SPAG9: variants seen among roughly 807,000 people sequenced by gnomAD.
The protein encoded by SPAG9 is sperm associated antigen 9.
Under a neutral mutation model 166.5 loss-of-function variants are expected in SPAG9, and 35 were observed. That is an observed-to-expected ratio of 0.21 (90% CI 0.16 to 0.28). The LOEUF (loss-of-function observed/expected upper bound fraction) is 0.28. Ranked by LOEUF, SPAG9 falls within the 10% of genes least tolerant of loss-of-function variation. SPAG9 has a pLI of 1.00. For synonymous variants in SPAG9, 534 were observed against 565.5 expected (o/e 0.94, Z 0.79); for missense variants, 1,235 against 1,603.3 (o/e 0.77, Z 3.92).
At chr17:51,072,708 A>G (rs1379018160) in intron 2 of SPAG9, among the ~76,000 whole-genome samples, 1 of 152,004 alleles carries the variant, frequency 6.6e-6, no homozygotes, top group East Asian at 1.9e-4. Flanking sequence ...AATCAGTCAC[A>G]TTAAGATTAG....
chr17:51,081,195 C>T (rs2048153491), intron 1 of SPAG9, among the ~76,000 whole-genome samples: 1 of 152,180 alleles, frequency 6.6e-6, no homozygotes, highest in Non-Finnish European at 1.5e-5. Flanking sequence ...TACTTCCACC[C>T]TAATCCTCTA....
At chr17:51,105,144 G>A (rs1275386114) in intron 1 of SPAG9, among the ~76,000 whole-genome samples, 1 of 151,390 alleles carries the variant, frequency 6.6e-6, no homozygotes, top group Admixed American at 6.6e-5. Flanking sequence ...TCTGTTAGAT[G>A]AGTAGGTTAA....
chr17:51,005,143 G>A (rs1331140341), intron 12 of SPAG9, 69 bp downstream of exon 12: 19 of 1,316,772 alleles, frequency 1.4e-5, no homozygotes, highest in Middle Eastern at 1.8e-4. Flanking sequence ...CAAAGCTTAC[G>A]TAGGAAGATC....
Position 50,998,552 on chromosome 17 carries a change from T to A in SPAG9, c.1730A>T (p.Lys577Met), listed in dbSNP as rs2044780706. ...AACATGAGACGTGGGTGCATTGTAC[T>A]TCAGATTAACAGGTGGTTCAGGCTT... The part of the protein sequence containing the change: ...TKKPEPPVNL[K>M]YNAPTSHVTP... Residue 577 changes from lysine (K) to methionine (M), a missense_variant, in exon 15 of 30, where the codon AAG becomes ATG. Coordinates refer to ENST00000262013, the MANE Select transcript of SPAG9 (RefSeq NM_001130528.3). 6.2e-7 allele frequency: 1 copy of A among 1,614,062 alleles called. No individual in the cohort carries two copies. Among genetic ancestry groups the A allele is most frequent in the Non-Finnish European group, 8.5e-7 (1 of 1,180,026 alleles).
At chr17:50,985,395 T>C (rs1974967494) in intron 23 of SPAG9, among the ~76,000 whole-genome samples, 1 of 152,126 alleles carries the variant, frequency 6.6e-6, no homozygotes, top group Non-Finnish European at 1.5e-5. Flanking sequence ...ATCAACATAT[T>C]TACAAGCCAT....
At chr17:51,112,552 TC>T (rs2049144790) in intron 1 of SPAG9, among the ~76,000 whole-genome samples, 1 of 150,478 alleles carries the variant, frequency 6.6e-6, no homozygotes, top group Admixed American at 6.7e-5. Flanking sequence ...GCGCCTGTAG[TC>T]CCAGCTACTC....
chr17:50,990,835 G>A (rs1047132325), intron 19 of SPAG9, 167 bp from the exon 20 acceptor site: 2 of 564,378 alleles, frequency 3.5e-6, no homozygotes, highest in Non-Finnish European at 3.1e-6. Flanking sequence ...ATATGGGAAG[G>A]TAACTTAAAA....
intron 6 of SPAG9, among the ~76,000 whole-genome samples, chr17:51,022,141 A>C (rs1014922976): frequency 2.0e-5 from 3 of 151,558 alleles, no homozygotes; most frequent in Admixed American, 1.3e-4. Flanking sequence ...AAAAAAAAAA[A>C]AGCGGGGAGA....
At position 51,025,366 on chromosome 17, in the gene SPAG9, T is replaced by C. The variant is rs545134203; in HGVS notation, c.784-4001A>G. Among the ~76,000 whole-genome samples, 17 of 139,684 alleles carry C rather than the reference T, an allele frequency of 1.2e-4. No individual in the cohort carries two copies. In the South Asian group the frequency reaches 2.3e-3, roughly 19 times the overall value. The allele number at this position is 139,684 out of a possible 152,430, so 91.6% of individuals were successfully genotyped here. A position where few individuals can be genotyped will look rare whatever the true frequency, so the allele number is the denominator to read the frequency against. ...AAAAAATGCTATTTTCTTGAATTGGTAACTGGCACCCAATATAAAATATAA... is the reference window on the plus strand; with the variant it reads ...AAAAAATGCTATTTTCTTGAATTGGCAACTGGCACCCAATATAAAATATAA... On this transcript the variant is annotated intron_variant, in intron 6 of 29. Transcript: ENST00000262013.
chr17:50,984,560 G>A (rs369875029), intron 24 of SPAG9, among the ~76,000 whole-genome samples: 21 of 152,144 alleles, frequency 1.4e-4, no homozygotes, highest in African/African-American at 4.8e-4. Context: ...GGTGGCAGGC[G>A]CCTGTAGTCC....
chr17:50,991,478 A>T (rs1009869922), intron 19 of SPAG9, among the ~76,000 whole-genome samples: 1 of 152,034 alleles, frequency 6.6e-6, no homozygotes, highest in Non-Finnish European at 1.5e-5. Flanking sequence ...TGTTTTATTT[A>T]TATCACACTA....
In SPAG9 at chr17:51,027,775, T is replaced by C. The variant is rs184524424; in HGVS notation, c.783+3906A>G. Among the ~76,000 whole-genome samples the C allele has an allele frequency of 9.2e-5, 14 of 152,346 alleles. No individual in the cohort carries two copies. In the East Asian group the frequency reaches 2.7e-3, roughly 29 times the overall value. On this transcript the variant is annotated intron_variant, in intron 6 of 29. Transcript: ENST00000262013. The stretch of plus-strand genomic sequence containing the variant: ...GATAAACAATTATGTCACTGGTTTA[T>C]GTATTTACTAAAATTTTCATTGTTA...
At chr17:51,025,492 A>AT (rs1223817209) in intron 6 of SPAG9, among the ~76,000 whole-genome samples, 3 of 151,474 alleles carry the variant, frequency 2.0e-5, no homozygotes, top group Non-Finnish European at 2.9e-5. Flanking sequence ...AACTGACAGT[A>AT]TTTAACACCT....
chr17:51,009,613 G>A lies in SPAG9; in HGVS notation c.1214-2287C>T, dbSNP rs566853588. Among the ~76,000 whole-genome samples the A allele has an allele frequency of 2.8e-4, 42 of 152,130 alleles. 2 individuals carry two copies. The South Asian group carries it at 8.3e-3, about 30-fold the overall frequency. Reference sequence around the variant, plus strand: ...AATATGTTGTGAATTTCCTTGTATTGTACTTCTATTGTTGGTCTTTTTGCA... The same window carrying A: ...AATATGTTGTGAATTTCCTTGTATTATACTTCTATTGTTGGTCTTTTTGCA... On this transcript the variant is annotated intron_variant, in intron 9 of 29. Transcript: ENST00000262013.
At chr17:51,094,975 G>T (rs1165343165) in intron 1 of SPAG9, among the ~76,000 whole-genome samples, 2 of 152,130 alleles carry the variant, frequency 1.3e-5, no homozygotes, top group African/African-American at 2.4e-5. Flanking sequence ...GCACACTACT[G>T]ATCTGACAAA....
chr17:51,044,579 A>G (rs1393004857), intron 4 of SPAG9, among the ~76,000 whole-genome samples: 9 of 152,250 alleles, frequency 5.9e-5, no homozygotes, highest in Admixed American at 5.9e-4. Context: ...ATAAAGGCAG[A>G]TAAAAGAAAA....
intron 1 of SPAG9, among the ~76,000 whole-genome samples, chr17:51,083,447 G>A (rs2048222542): frequency 6.6e-6 from 1 of 151,484 alleles, no homozygotes; most frequent in Non-Finnish European, 1.5e-5. Context: ...ATGTTGGCCG[G>A]GCCAGTCTCG....
chr17:51,115,688 G>C (rs1223095883), intron 1 of SPAG9, among the ~76,000 whole-genome samples: 3 of 152,028 alleles, frequency 2.0e-5, no homozygotes, highest in Non-Finnish European at 4.4e-5. Context: ...AAATTAGCCA[G>C]GCGTGGTGGC....
At position 51,021,312 on chromosome 17, in the gene SPAG9, T is replaced by C. The variant is rs376258812; in HGVS notation, c.837A>G (p.Ser279=). The change falls in exon 7 of 30, where the codon TCA becomes TCG. Residue 279 remains serine (S), a synonymous_variant. Transcript: ENST00000262013. ...TTGTTGCCACATCTGAATTAGCTGTTGATGCTGGAGTGGTAGCTTTAGATC... is the reference window on the plus strand; with the variant it reads ...TTGTTGCCACATCTGAATTAGCTGTCGATGCTGGAGTGGTAGCTTTAGATC... ...QGGSKATTPA[S]TANSDVATIP... 5 of 1,614,126 alleles carry C rather than the reference T, an allele frequency of 3.1e-6. No individual in the cohort carries two copies. Among genetic ancestry groups the C allele is most frequent in the Non-Finnish European group, 4.2e-6 (5 of 1,179,980 alleles).
Sources: allele counts gnomAD v4.1 joint callset (sites outside exome capture counted in the v4.1 genomes callset), GRCh38; gene constraint gnomAD v4.1.1; transcripts MANE v1.5; gene names NCBI Gene and HGNC (gene_info 2026-07-23, HGNC 2026-07-21).